The following KLHL3 variants were observed in gnomAD, a reference collection of about 807,000 sequenced individuals.
KLHL3 encodes kelch like family member 3.
In KLHL3, 19 loss-of-function variants were observed where a neutral mutation model predicts 70.5. That is an observed-to-expected ratio of 0.27 (90% CI 0.19 to 0.40). The LOEUF (loss-of-function observed/expected upper bound fraction) is 0.40, where lower values mean the gene tolerates loss of function less well. Among genes scored for constraint, KLHL3 ranks in the 10% least tolerant of loss-of-function variants. KLHL3 has a pLI of 1.00. For synonymous variants in KLHL3, 258 were observed against 290.3 expected (o/e 0.89, Z 1.13); for missense variants, 512 against 771.1 (o/e 0.66, Z 3.98).
intron 1 of KLHL3, among the ~76,000 whole-genome samples, chr5:137,725,861 G>T (rs924172224): frequency 6.6e-6 from 1 of 152,296 alleles, no homozygotes; most frequent in African/African-American, 2.4e-5. Flanking sequence ...GTTGCAAATT[G>T]GTTCTGACTT....
At chr5:137,628,124 T>G in intron 13 of KLHL3, 173 bp downstream of exon 13, 1 of 707,398 alleles carries the variant, frequency 1.4e-6, no homozygotes, top group Admixed American at 2.9e-5. Context: ...GCTTTTGGGG[T>G]CTCAATTTCT....
chr5:137,724,136 G>C (rs1753049217), intron 1 of KLHL3, among the ~76,000 whole-genome samples: 1 of 152,170 alleles, frequency 6.6e-6, no homozygotes, highest in Admixed American at 6.5e-5. Flanking sequence ...TCTATAAACT[G>C]TAAAATACTC....
At chr5:137,644,683 A>G (rs1004009558) in intron 8 of KLHL3, among the ~76,000 whole-genome samples, 3 of 152,224 alleles carry the variant, frequency 2.0e-5, no homozygotes, top group Non-Finnish European at 4.4e-5. Context: ...AAAGTCTGCT[A>G]TCAAAGAAAA....
At chr5:137,634,263 C>T in intron 11 of KLHL3, 98 bp from the exon 12 acceptor site, 1 of 1,362,954 alleles carries the variant, frequency 7.3e-7, no homozygotes, top group Non-Finnish European at 9.8e-7. Context: ...GGCACCCTTA[C>T]CTCAGAATTC....
At chr5:137,685,962 TAGTC>T (rs1752153336) in intron 5 of KLHL3, among the ~76,000 whole-genome samples, 1 of 152,232 alleles carries the variant, frequency 6.6e-6, no homozygotes, top group South Asian at 2.1e-4. Context: ...TTTTCTGTAA[TAGTC>T]AGGGATGAGT....
At chr5:137,734,178 G>A (rs1047613547) in intron 1 of KLHL3, among the ~76,000 whole-genome samples, 1 of 152,150 alleles carries the variant, frequency 6.6e-6, no homozygotes, top group Non-Finnish European at 1.5e-5. Flanking sequence ...CAAGCAAATA[G>A]GCATGGCCCA....
At chr5:137,659,882 T>C (rs1434045459) in intron 7 of KLHL3, among the ~76,000 whole-genome samples, 3 of 152,196 alleles carry the variant, frequency 2.0e-5, no homozygotes, top group Non-Finnish European at 4.4e-5. Context: ...TTTAGTACAA[T>C]ATTTTTAAAT....
At chr5:137,650,263 C>T (rs951475771) in intron 8 of KLHL3, among the ~76,000 whole-genome samples, 1 of 152,192 alleles carries the variant, frequency 6.6e-6, no homozygotes, top group Non-Finnish European at 1.5e-5. Flanking sequence ...ACCTTGGAGA[C>T]ACAGCTCCTG....
rs188857819 is a variant in KLHL3, at chr5:137,644,999, T to A, written c.904-5022A>T. ...TAGATTCATCCTAGGGATGCAAGGA[T>A]GGTTCAATATAACACAAATCAATAA... On this transcript the variant is annotated intron_variant, in intron 8 of 14. Transcript: ENST00000309755. Among the ~76,000 whole-genome samples, 21 of 152,344 alleles carry A rather than the reference T, an allele frequency of 1.4e-4. No homozygotes were observed. The East Asian group carries it at 3.9e-3, about 28-fold the overall frequency.
chr5:137,679,068 T>A (rs1237551179), intron 5 of KLHL3, among the ~76,000 whole-genome samples: 1 of 101,750 alleles, frequency 9.8e-6, no homozygotes, highest in African/African-American at 3.0e-5. Context: ...TTCCTAACTA[T>A]GGAAATATTT....
chr5:137,689,678 G>A (rs984127822), intron 5 of KLHL3, among the ~76,000 whole-genome samples: 1 of 152,216 alleles, frequency 6.6e-6, no homozygotes, highest in African/African-American at 2.4e-5. Flanking sequence ...CAAAGGGAGT[G>A]GGGGCAAGGG....
chr5:137,734,250 C>T (rs561154984), intron 1 of KLHL3, among the ~76,000 whole-genome samples: 1 of 152,348 alleles, frequency 6.6e-6, no homozygotes, highest in South Asian at 2.1e-4. Context: ...CAATGGGACA[C>T]TGTTTTGGGG....
At chr5:137,674,465 G>A (rs536662975) in intron 6 of KLHL3, among the ~76,000 whole-genome samples, 3 of 152,284 alleles carry the variant, frequency 2.0e-5, no homozygotes, top group Admixed American at 1.3e-4. Flanking sequence ...AAAGCTGCCT[G>A]TTACTTACAC....
At chr5:137,640,766 C>T (rs781332817) in intron 8 of KLHL3, among the ~76,000 whole-genome samples, 2 of 152,194 alleles carry the variant, frequency 1.3e-5, no homozygotes, top group Non-Finnish European at 2.9e-5. Flanking sequence ...AGACAGGATC[C>T]AAGCAAACAC....
At chr5:137,649,610 T>C (rs1488484752) in intron 8 of KLHL3, among the ~76,000 whole-genome samples, 1 of 152,250 alleles carries the variant, frequency 6.6e-6, no homozygotes, top group Non-Finnish European at 1.5e-5. Flanking sequence ...TAGATGTTTA[T>C]TGTGTTAAGC....
intron 7 of KLHL3, among the ~76,000 whole-genome samples, chr5:137,658,802 T>C (rs1175082170): frequency 1.3e-5 from 2 of 152,178 alleles, no homozygotes; most frequent in African/African-American, 2.4e-5. Context: ...CGTTGTCTTA[T>C]AGTGAAGGTC....
intron 1 of KLHL3, among the ~76,000 whole-genome samples, chr5:137,722,008 C>T (rs1753006007): frequency 6.6e-6 from 1 of 152,192 alleles, no homozygotes; most frequent in South Asian, 2.1e-4. Context: ...CTAAGCTTTG[C>T]TTTGCTACTA....
intron 13 of KLHL3, among the ~76,000 whole-genome samples, chr5:137,627,532 G>A (rs1340444445): frequency 6.9e-6 from 1 of 145,116 alleles, no homozygotes; most frequent in Non-Finnish European, 1.5e-5. Flanking sequence ...TAGCAAACAG[G>A]TAATATGAGA....
intron 6 of KLHL3, among the ~76,000 whole-genome samples, chr5:137,671,602 A>C (rs1428915915): frequency 1.3e-5 from 2 of 152,152 alleles, no homozygotes; most frequent in East Asian, 3.9e-4. Context: ...TCTGAACCTT[A>C]GTTTCTTCGT....
Sources: allele counts gnomAD v4.1 joint callset (sites outside exome capture counted in the v4.1 genomes callset), GRCh38; gene constraint gnomAD v4.1.1; transcripts MANE v1.5; gene names NCBI Gene and HGNC (gene_info 2026-07-23, HGNC 2026-07-21).